The following MUSK variants were observed in gnomAD, a reference collection of about 807,000 sequenced individuals.
MUSK encodes the protein muscle associated receptor tyrosine kinase, also known as muscle, skeletal receptor tyrosine-protein kinase.
Under a neutral mutation model 88.7 loss-of-function variants are expected in MUSK, and 55 were observed. The observed-to-expected ratio is 0.62, with a 90% CI of 0.50 to 0.78. The LOEUF is 0.78. MUSK is among the 30% of genes least tolerant of loss of function. MUSK has a pLI of 0.00. For synonymous variants in MUSK, 387 were observed against 391.9 expected (o/e 0.99, Z 0.15); for missense variants, 1,015 against 1,074.3 (o/e 0.94, Z 0.77).
In MUSK at chr9:110,803,610, A is replaced by T. The variant is rs1564303293; in HGVS notation, c.*2622A>T. Among the ~76,000 whole-genome samples the T allele has an allele frequency of 6.6e-6, 1 of 152,192 alleles. No homozygotes were observed. The highest frequency in any genetic ancestry group is 1.5e-5 in the Non-Finnish European group (1 of 68,022). On this transcript the variant is annotated 3_prime_UTR_variant, in exon 15 of 15. Transcript: ENST00000374448. ...TCTATATCTATATTTTATTCTATTA[A>T]CTTCCTAAGTCTTTTTAATGAATAG...
chr9:110,698,093 T>C (rs1238729547), intron 5 of MUSK, among the ~76,000 whole-genome samples: 2 of 152,210 alleles, frequency 1.3e-5, no homozygotes, highest in African/African-American at 4.8e-5. Flanking sequence ...TATTTGCTTG[T>C]TAGTCGGGTC....
At chr9:110,675,537 A>G (rs2076015587) in intron 1 of MUSK, among the ~76,000 whole-genome samples, 1 of 132,698 alleles carries the variant, frequency 7.5e-6, no homozygotes, top group African/African-American at 2.9e-5. Flanking sequence ...TTGCCTCTTA[A>G]TGTGTAGTTG....
At chr9:110,687,037 G>A in intron 2 of MUSK, 80 bp from the exon 3 acceptor site, 2 of 1,418,508 alleles carry the variant, frequency 1.4e-6, no homozygotes, top group South Asian at 1.4e-5. Flanking sequence ...TCATTAACAA[G>A]TCATCGGTTT....
intron 6 of MUSK, among the ~76,000 whole-genome samples, chr9:110,741,102 T>C (rs2077091935): frequency 6.6e-6 from 1 of 152,118 alleles, no homozygotes; most frequent in Admixed American, 6.6e-5. Context: ...TATTGCGCAC[T>C]TGAAATTTGC....
In MUSK at chr9:110,801,478, C is replaced by A. The variant is rs2078097345; in HGVS notation, c.*490C>A. The A allele has an allele frequency of 6.6e-6, 1 of 152,600 alleles. No individual in the cohort carries two copies. The highest frequency in any genetic ancestry group is 6.5e-5 in the Admixed American group (1 of 15,300). 9.5% of individuals were successfully genotyped at this position (152,600 alleles called of 1,614,324 possible). A position where few individuals can be genotyped will look rare whatever the true frequency, so the allele number is the denominator to read the frequency against. ...AAAAGCCACTCATTCTGTCTCCCCC[C>A]AAAGACGAGTCTTAGTGTTTTATTA... On this transcript the variant is annotated 3_prime_UTR_variant, in exon 15 of 15. Transcript: ENST00000374448.
intron 7 of MUSK, among the ~76,000 whole-genome samples, chr9:110,754,578 T>C (rs1001314234): frequency 2.0e-5 from 3 of 152,234 alleles, no homozygotes; most frequent in South Asian, 4.1e-4. Flanking sequence ...CTCTTTTGCA[T>C]TGGCTTATCT....
chr9:110,748,066 TTTC>T, intron 7 of MUSK: 1 of 598,518 alleles, frequency 1.7e-6, no homozygotes, highest in Non-Finnish European at 3.1e-6. Context: ...CCTTCTTGTT[TTTC>T]TTATCTTTTT....
intron 1 of MUSK, among the ~76,000 whole-genome samples, chr9:110,669,484 C>A (rs907729351): frequency 6.6e-6 from 1 of 152,100 alleles, no homozygotes; most frequent in Non-Finnish European, 1.5e-5. Context: ...TACAGAAAGA[C>A]GTACACAATT....
In MUSK at chr9:110,682,666, C is replaced by T. The variant is rs199705752; in HGVS notation, c.80-8C>T. 749 of 1,609,844 alleles carry T rather than the reference C, an allele frequency of 4.7e-4. 3 individuals are homozygous for T. In the African/African-American group the frequency reaches 8.7e-3, roughly 19 times the overall value. On this transcript the variant is annotated splice_region_variant and splice_polypyrimidine_tract_variant and intron_variant, in intron 1 of 14. Coordinates refer to ENST00000374448, the MANE Select transcript of MUSK (RefSeq NM_005592.4). ...AATGTTCTCTTTTGATTTCTCCTTT[C>T]CTTTCAGCTCCTGTCATCACCACTC...
intron 11 of MUSK, among the ~76,000 whole-genome samples, chr9:110,784,031 T>G (rs2077809179): frequency 6.6e-6 from 1 of 152,136 alleles, no homozygotes; most frequent in Non-Finnish European, 1.5e-5. Flanking sequence ...CCTTTAAAAT[T>G]TATTGAGATT....
chr9:110,727,304 G>T (rs912295609), intron 5 of MUSK, among the ~76,000 whole-genome samples: 5 of 152,010 alleles, frequency 3.3e-5, no homozygotes, highest in African/African-American at 9.7e-5. Context: ...TCTGAAAAGG[G>T]GGTTGAATTT....
intron 11 of MUSK, among the ~76,000 whole-genome samples, chr9:110,778,364 T>C (rs1391698593): frequency 6.6e-6 from 1 of 152,142 alleles, no homozygotes; most frequent in Admixed American, 6.5e-5. Context: ...CACTCAGCAG[T>C]GAATCTGTCT....
At chr9:110,685,364 T>C (rs1349363115) in intron 2 of MUSK, among the ~76,000 whole-genome samples, 1 of 152,168 alleles carries the variant, frequency 6.6e-6, no homozygotes, top group Admixed American at 6.5e-5. Flanking sequence ...GGTTTGCTAG[T>C]ATTTTGTGCA....
In MUSK at chr9:110,775,958, A is replaced by G; in HGVS notation, c.1355A>G (p.His452Arg). The G allele has an allele frequency of 1.2e-6, 2 of 1,610,968 alleles. No individual in the cohort carries two copies. Among genetic ancestry groups the G allele is most frequent in the Non-Finnish European group, 8.5e-7 (1 of 1,178,030 alleles). The change falls in exon 10 of 15, where the codon CAT becomes CGT. Residue 452 changes from histidine (H) to arginine (R), a missense_variant. Coordinates refer to ENST00000374448, the MANE Select transcript of MUSK (RefSeq NM_005592.4). ...CCCACGGCCTGTGCCAGACTGCCAC[A>G]TCTAGGTAACACAGAGTTCTCCCAA... ...WDPTACARLPHLDYNKENLKT... is the reference protein window; with the variant it reads ...WDPTACARLPRLDYNKENLKT...
chr9:110,802,163 A>G lies in MUSK; in HGVS notation c.*1175A>G, dbSNP rs1371474038. ...AAATTCAGTTGGCTGTAGAATTAAT[A>G]TCGTTCTGCTTAACAACTTTGTGCA... On this transcript the variant is annotated 3_prime_UTR_variant, in exon 15 of 15. Transcript: ENST00000374448. 6.6e-6 allele frequency among the ~76,000 whole-genome samples: 1 copy of G among 152,162 alleles called. No homozygotes were observed. Among genetic ancestry groups the G allele is most frequent in the East Asian group, 1.9e-4 (1 of 5,196 alleles).
At chr9:110,677,024 C>A (rs938871713) in intron 1 of MUSK, among the ~76,000 whole-genome samples, 2 of 152,178 alleles carry the variant, frequency 1.3e-5, no homozygotes, top group East Asian at 3.9e-4. Flanking sequence ...TTTAAGAGGA[C>A]TTTCTCTTCC....
At chr9:110,689,339 T>C (rs1306837957) in intron 3 of MUSK, among the ~76,000 whole-genome samples, 1 of 117,416 alleles carries the variant, frequency 8.5e-6, no homozygotes, top group Non-Finnish European at 1.6e-5. Flanking sequence ...TATTTAAATA[T>C]AAATATATAA....
intron 1 of MUSK, 124 bp from the exon 2 acceptor site, chr9:110,682,550 G>T: frequency 1.1e-6 from 1 of 943,778 alleles, no homozygotes; most frequent in Non-Finnish European, 1.5e-6. Flanking sequence ...CCTTTCTTTT[G>T]GCAAATTTCT....
chr9:110,690,079 T>C (rs1211676003), intron 3 of MUSK, among the ~76,000 whole-genome samples: 1 of 97,206 alleles, frequency 1.0e-5, no homozygotes, highest in East Asian at 3.2e-4. Context: ...AGTATAAATA[T>C]ATAAATATAT....
Sources: gnomAD v4.1 joint callset for allele counts (sites outside exome capture counted in the v4.1 genomes callset) on GRCh38, gnomAD v4.1.1 for gene constraint, MANE v1.5 for transcripts, NCBI Gene and HGNC (gene_info 2026-07-23, HGNC 2026-07-21) for gene names.